PRCC: variants seen among roughly 807,000 people sequenced by gnomAD.
PRCC encodes proline rich mitotic checkpoint control factor, also known as proline-rich protein PRCC.
A neutral mutation model predicts 44.0 loss-of-function variants in PRCC; 10 were observed. The observed-to-expected ratio is 0.23, with a 90% confidence interval of 0.14 to 0.39. The LOEUF (loss-of-function observed/expected upper bound fraction) is 0.39, where lower values mean the gene tolerates loss of function less well. Among genes scored for constraint, PRCC ranks in the 10% least tolerant of loss-of-function variants. The pLI, the probability that PRCC is intolerant of heterozygous loss-of-function variation, is 1.00. For missense variants in PRCC, 573 were observed against 624.7 expected, an observed-to-expected ratio of 0.92 and a Z score of 0.88; for synonymous variants, 278 against 259.5, an observed-to-expected ratio of 1.07 and a Z score of -0.69.
intron 1 of PRCC, among the ~76,000 whole-genome samples, chr1:156,779,186 A>T (rs1651957524): frequency 1.1e-5 from 1 of 91,062 alleles, no homozygotes; most frequent in African/African-American, 4.5e-5. Flanking sequence ...ATAGGGTCTT[A>T]CTCTGTCACC....
chr1:156,781,355 A>C (rs1652044518), intron 1 of PRCC, among the ~76,000 whole-genome samples: 1 of 152,252 alleles, frequency 6.6e-6, no homozygotes, highest in African/African-American at 2.4e-5. Flanking sequence ...AGAGGATTTG[A>C]GTTCTCACAG....
intron 6 of PRCC, among the ~76,000 whole-genome samples, chr1:156,798,471 A>G (rs1652737529): frequency 1.3e-5 from 2 of 152,102 alleles, no homozygotes; most frequent in Non-Finnish European, 2.9e-5. Context: ...CGTACCAAAC[A>G]AGTCAGCTTT....
intron 3 of PRCC, chr1:156,791,295 T>C (rs1227016501): frequency 1.6e-6 from 1 of 614,116 alleles, no homozygotes; most frequent in Non-Finnish European, 2.8e-6. Context: ...GACGTATACC[T>C]TCTCGTCCCT....
chr1:156,790,950 G>A (rs1421767386), intron 3 of PRCC: 7 of 518,410 alleles, frequency 1.4e-5, no homozygotes, highest in African/African-American at 1.9e-5. Context: ...AGTTTAAGAC[G>A]AAGTGGAAGA....
chr1:156,791,750 C>G lies in PRCC; in HGVS notation c.1137C>G (p.Pro379=), dbSNP rs373000279. 1.7e-5 allele frequency: 28 copies of G among 1,613,844 alleles called. No individual in the cohort carries two copies. The highest frequency in any genetic ancestry group is 1.1e-4 in the South Asian group (10 of 91,066). The part of the protein sequence containing the change: ...YPAQDPALVP[P]QEIAPDASFI... ...CACAGGACCCGGCCCTGGTCCCCCC[C>G]CAGGAAATTGCCCCAGATGCCTCCT... is the stretch of plus-strand genomic sequence containing the variant. The change falls in exon 4 of 7, where the codon CCC becomes CCG. Residue 379 remains proline, a synonymous_variant. Coordinates refer to ENST00000271526, the MANE Select transcript of PRCC (RefSeq NM_005973.5).
At chr1:156,796,903 G>GT (rs972770493) in intron 5 of PRCC, 5 of 201,752 alleles carry the variant, frequency 2.5e-5, no homozygotes, top group Non-Finnish European at 5.1e-5. Context: ...CCCACAAACT[G>GT]TTTCAGACTG....
rs1425215011 is a variant in PRCC at position 156,786,972 on chromosome 1, C to G, written c.881C>G (p.Pro294Arg). 1 of 1,614,240 alleles carries G rather than the reference C, an allele frequency of 6.2e-7. No homozygotes were observed. The highest frequency in any genetic ancestry group is 1.1e-5 in the South Asian group (1 of 91,084). ...EPPGVEPYPY[P>R]IPTVPEELPP... is the part of the protein sequence containing the mutation. ...CCTGGAGTTGAGCCATACCCTTACCCCATCCCCACTGTCCCTGAAGAGCTG... is the reference window on the plus strand; with the variant it reads ...CCTGGAGTTGAGCCATACCCTTACCGCATCCCCACTGTCCCTGAAGAGCTG... Residue 294 changes from proline to arginine, a missense_variant, in exon 3 of 7, where the codon CCC becomes CGC. Coordinates refer to ENST00000271526, the MANE Select transcript of PRCC (RefSeq NM_005973.5).
In PRCC at chr1:156,794,715, T is replaced by C. The variant is rs772204511; in HGVS notation, c.1230T>C (p.Phe410=). Residue 410 remains phenylalanine, a synonymous_variant, in exon 5 of 7, where the codon TTT becomes TTC. Coordinates refer to ENST00000271526, the MANE Select transcript of PRCC (RefSeq NM_005973.5). The part of the protein sequence containing the change: ...KRNRGREEIN[F]VEIKGDDQLS... Reference sequence around the variant, plus strand: ...ACCGAGGGAGAGAAGAAATCAACTTTGTGGAGATCAAAGGTGATGACCAGC... The same window carrying C: ...ACCGAGGGAGAGAAGAAATCAACTTCGTGGAGATCAAAGGTGATGACCAGC... 29 of 1,614,028 alleles carry C rather than the reference T, an allele frequency of 1.8e-5. No individual in the cohort carries two copies. The highest frequency in any genetic ancestry group is 1.5e-4 in the South Asian group (14 of 91,088).
rs183751504 is a variant in PRCC, at chr1:156,767,825, G to C, written c.54G>C (p.Glu18Asp). Residue 18 changes from glutamate (E) to aspartate (D), a missense_variant, in exon 1 of 7, where the codon GAG becomes GAC. This residue lies in a region of PRCC where 245 missense variants were observed against 188.5 expected (regional missense o/e 1.30). Transcript: ENST00000271526. ...SSDESEPDEA[E>D]PEPEEEEAVA... ...ATGAGAGCGAGCCGGATGAGGCTGAGCCCGAGCCGGAGGAAGAGGAGGCGG... is the reference window on the plus strand; with the variant it reads ...ATGAGAGCGAGCCGGATGAGGCTGACCCCGAGCCGGAGGAAGAGGAGGCGG... The C allele has an allele frequency of 3.5e-4, 570 of 1,610,370 alleles. 3 individuals are homozygous for C. The highest frequency in any genetic ancestry group is 3.7e-5 in the Non-Finnish European group (44 of 1,179,160).
At chr1:156,776,697 A>G (rs1651841763) in intron 1 of PRCC, among the ~76,000 whole-genome samples, 1 of 152,206 alleles carries the variant, frequency 6.6e-6, no homozygotes, top group Non-Finnish European at 1.5e-5. Context: ...AAATGTAATC[A>G]TCTTAAATTT....
At chr1:156,775,742 C>A (rs1304804197) in intron 1 of PRCC, among the ~76,000 whole-genome samples, 1 of 152,172 alleles carries the variant, frequency 6.6e-6, no homozygotes, top group Admixed American at 6.5e-5. Flanking sequence ...AACTCCTGAT[C>A]TTGTGATCTG....
rs1425215011 is a variant in PRCC, at chr1:156,786,972, C to T, written c.881C>T (p.Pro294Leu). Residue 294 changes from proline (P) to leucine (L), a missense_variant, in exon 3 of 7, where the codon CCC (proline) becomes CTC (leucine). Around this residue, in one of 4 missense-constraint regions of PRCC, gnomAD observed 141 missense variants for 130.2 expected, o/e 1.08. Transcript: ENST00000271526. ...EPPGVEPYPY[P>L]IPTVPEELPP... is the part of the protein sequence containing the mutation. ...CCTGGAGTTGAGCCATACCCTTACC[C>T]CATCCCCACTGTCCCTGAAGAGCTG... 2 of 1,614,122 alleles carry T rather than the reference C, an allele frequency of 1.2e-6. No homozygotes were observed. The highest frequency in any genetic ancestry group is 1.7e-6 in the Non-Finnish European group (2 of 1,180,040).
chr1:156,773,180 C>T (rs1651695598), intron 1 of PRCC, among the ~76,000 whole-genome samples: 1 of 152,098 alleles, frequency 6.6e-6, no homozygotes, highest in South Asian at 2.1e-4. Context: ...TAGGGGGCGT[C>T]TGTTCTTGGG....
intron 1 of PRCC, among the ~76,000 whole-genome samples, chr1:156,777,155 C>T (rs1202430466): frequency 1.3e-5 from 2 of 152,130 alleles, no homozygotes; most frequent in Middle Eastern, 3.2e-3. Context: ...AGAGCTGAGA[C>T]TCAAACCAGT....
intron 4 of PRCC, among the ~76,000 whole-genome samples, chr1:156,793,648 G>A (rs189851771): frequency 6.8e-4 from 104 of 152,234 alleles, no homozygotes; most frequent in Admixed American, 1.9e-3. Context: ...ACAATTAGAA[G>A]GAACAGAGAT....
intron 3 of PRCC, 118 bp from the exon 4 acceptor site, chr1:156,791,579 G>A (rs1051428199): frequency 3.5e-6 from 3 of 865,400 alleles, no homozygotes; most frequent in Admixed American, 5.7e-5. Context: ...GGAAGCTGTA[G>A]TATAGCTATC....
At chr1:156,793,112 T>C (rs1289204064) in intron 4 of PRCC, among the ~76,000 whole-genome samples, 1 of 152,134 alleles carries the variant, frequency 6.6e-6, no homozygotes, top group African/African-American at 2.4e-5. Context: ...AAATAATTCT[T>C]CTCTGCTTAC....
In PRCC at chr1:156,776,306, G is replaced by A. The variant is rs115433774; in HGVS notation, c.469-5976G>A. Among the ~76,000 whole-genome samples the A allele has an allele frequency of 3.0e-3, 463 of 152,326 alleles. 3 individuals carry two copies. In the Middle Eastern group the frequency reaches 0.044, roughly 15 times the overall value. On this transcript the variant is annotated intron_variant, in intron 1 of 6. Coordinates refer to ENST00000271526, the MANE Select transcript of PRCC (RefSeq NM_005973.5). ...GATTGCTTGAGCCCAGGAGTTTGAG[G>A]TTACAGTGAGCTGTAATTGCGCCAC...
At chr1:156,773,412 T>C (rs892293020) in intron 1 of PRCC, among the ~76,000 whole-genome samples, 14 of 152,186 alleles carry the variant, frequency 9.2e-5, no homozygotes, top group African/African-American at 3.4e-4. Context: ...TCTTGGCAGC[T>C]GGAACAGAGA....
Sources: allele counts gnomAD v4.1 joint callset (sites outside exome capture counted in the v4.1 genomes callset), GRCh38; gene constraint gnomAD v4.1.1; regional missense constraint gnomAD v4.1.1; transcripts MANE v1.5; gene names NCBI Gene and HGNC (gene_info 2026-07-23, HGNC 2026-07-21).